CDC42BPB: variants seen among roughly 807,000 people sequenced by gnomAD.
CDC42BPB encodes the protein serine/threonine-protein kinase MRCK beta.
In CDC42BPB, 37 loss-of-function variants were observed where a neutral mutation model predicts 214.9. The ratio of observed to expected loss-of-function variants is 0.17; its 90% CI spans 0.13 to 0.23. The LOEUF (loss-of-function observed/expected upper bound fraction) is 0.23. Ranked by LOEUF, CDC42BPB falls within the 10% of genes least tolerant of loss-of-function variation. CDC42BPB has a pLI of 1.00. For synonymous variants in CDC42BPB, 931 were observed against 884.0 expected, an observed-to-expected ratio of 1.05 and a Z score of -0.94; for missense variants, 1,694 against 2,227.0, an observed-to-expected ratio of 0.76 and a Z score of 4.82.
chr14:102,987,409 CAA>C (rs1246033931), intron 5 of CDC42BPB, among the ~76,000 whole-genome samples: 1 of 152,178 alleles, frequency 6.6e-6, no homozygotes, highest in Non-Finnish European at 1.5e-5. Flanking sequence ...ACTTTAAAAA[CAA>C]AGACAGACAT....
chr14:103,019,483 AC>A (rs1886649930), intron 1 of CDC42BPB, among the ~76,000 whole-genome samples: 1 of 152,098 alleles, frequency 6.6e-6, no homozygotes, highest in Non-Finnish European at 1.5e-5. Flanking sequence ...CGTCTTCCTC[AC>A]CAGGCTCTAA....
intron 1 of CDC42BPB, among the ~76,000 whole-genome samples, chr14:103,050,444 G>A (rs1452794792): frequency 2.6e-5 from 4 of 152,148 alleles, no homozygotes; most frequent in Non-Finnish European, 4.4e-5. Flanking sequence ...TGGGCTGGAG[G>A]GCAGGTTAAC....
chr14:102,946,712 G>A (rs996983200), intron 27 of CDC42BPB, 28 bp from the exon 28 acceptor site: 5 of 1,609,992 alleles, frequency 3.1e-6, no homozygotes, highest in Admixed American at 1.7e-5. Flanking sequence ...GAAGAGAAGA[G>A]AGAAGTCATC....
intron 21 of CDC42BPB, among the ~76,000 whole-genome samples, chr14:102,958,016 T>C (rs1178670601): frequency 6.6e-6 from 1 of 152,202 alleles, no homozygotes; most frequent in Admixed American, 6.5e-5. Flanking sequence ...CTGGCCTGGG[T>C]AACACCAAAA....
intron 1 of CDC42BPB, among the ~76,000 whole-genome samples, chr14:103,031,002 G>A (rs1207067227): frequency 6.6e-6 from 1 of 151,924 alleles, no homozygotes; most frequent in African/African-American, 2.4e-5. Flanking sequence ...ACACACAAAA[G>A]TGTTCAGATT....
intron 29 of CDC42BPB, 82 bp downstream of exon 29, chr14:102,945,580 T>G: frequency 5.5e-6 from 7 of 1,269,820 alleles, no homozygotes. Context: ...TCTTAACCCT[T>G]AGGAGCTACT....
At chr14:102,960,852 G>A (rs1595468815) in intron 20 of CDC42BPB, among the ~76,000 whole-genome samples, 1 of 152,082 alleles carries the variant, frequency 6.6e-6, no homozygotes, top group African/African-American at 2.4e-5. Context: ...ATTTCAAATG[G>A]ATCAGTATTC....
At chr14:102,985,122 G>C (rs997601043) in intron 6 of CDC42BPB, among the ~76,000 whole-genome samples, 3 of 151,332 alleles carry the variant, frequency 2.0e-5, no homozygotes, top group African/African-American at 7.3e-5. Flanking sequence ...CCATGTTCTG[G>C]TTATACCGTG....
intron 1 of CDC42BPB, among the ~76,000 whole-genome samples, chr14:103,055,303 G>T (rs1318265479): frequency 6.6e-6 from 1 of 152,160 alleles, no homozygotes; most frequent in Non-Finnish European, 1.5e-5. Flanking sequence ...CGTGCCTGTA[G>T]TCCCAGCTAC....
intron 4 of CDC42BPB, among the ~76,000 whole-genome samples, chr14:103,000,289 C>T (rs530001792): frequency 6.6e-6 from 1 of 152,228 alleles, no homozygotes; most frequent in African/African-American, 2.4e-5. Flanking sequence ...CAGGGCTGAG[C>T]CCGTCACTTC....
intron 1 of CDC42BPB, among the ~76,000 whole-genome samples, chr14:103,046,336 A>G (rs1888280278): frequency 6.6e-6 from 1 of 152,092 alleles, no homozygotes; most frequent in Admixed American, 6.6e-5. Flanking sequence ...TCCATGCTCT[A>G]TTTCCTCATG....
intron 1 of CDC42BPB, among the ~76,000 whole-genome samples, chr14:103,021,845 G>C (rs1259047847): frequency 2.6e-5 from 4 of 152,208 alleles, no homozygotes; most frequent in African/African-American, 9.7e-5. Context: ...AGAAGCAGCG[G>C]TGAGATCCTG....
At chr14:102,989,667 G>T (rs1002559109) in intron 5 of CDC42BPB, among the ~76,000 whole-genome samples, 1 of 152,118 alleles carries the variant, frequency 6.6e-6, no homozygotes, top group African/African-American at 2.4e-5. Flanking sequence ...GAGGTTGGGA[G>T]TTTGAGACCA....
chr14:102,954,567 C>T (rs1892631872), intron 22 of CDC42BPB, 35 bp downstream of exon 22: 1 of 1,580,806 alleles, frequency 6.3e-7, no homozygotes, highest in Non-Finnish European at 8.7e-7. Context: ...GGGCAGACCC[C>T]AGGTGGGAGC....
rs771011015 is a variant in CDC42BPB, at chr14:102,959,590, C to T, written c.2901+41G>A. Reference sequence around the variant, plus strand: ...ATATATGACACTATTTCTAACTTATCATAAACTCATCTGTCACTTAAAAAA... The same window carrying T: ...ATATATGACACTATTTCTAACTTATTATAAACTCATCTGTCACTTAAAAAA... On this transcript the variant is annotated intron_variant, in intron 21 of 36. Coordinates refer to ENST00000361246, the MANE Select transcript of CDC42BPB (RefSeq NM_006035.4). The T allele has an allele frequency of 8.0e-6, 11 of 1,378,306 alleles. No homozygotes were observed. In the African/African-American group the frequency reaches 1.3e-4, roughly 16 times the overall value. 85.4% of individuals were successfully genotyped at this position (1,378,306 alleles called of 1,614,324 possible).
chr14:102,941,868 G>C (rs1220104800), intron 30 of CDC42BPB, among the ~76,000 whole-genome samples: 1 of 152,218 alleles, frequency 6.6e-6, no homozygotes, highest in African/African-American at 2.4e-5. Flanking sequence ...AAAGGGTGCA[G>C]AATGAGCAGT....
At chr14:102,973,128 A>G (rs774930850) in intron 12 of CDC42BPB, among the ~76,000 whole-genome samples, 1 of 152,214 alleles carries the variant, frequency 6.6e-6, no homozygotes, top group Non-Finnish European at 1.5e-5. Context: ...GCAAGCTGGC[A>G]GGGCAGCTCC....
intron 1 of CDC42BPB, among the ~76,000 whole-genome samples, chr14:103,044,591 G>C (rs550475636): frequency 6.6e-6 from 1 of 151,768 alleles, no homozygotes; most frequent in Non-Finnish European, 1.5e-5. Context: ...GGATGGTCTC[G>C]ATCTCCTGAC....
At chr14:103,039,917 C>T (rs184479834) in intron 1 of CDC42BPB, among the ~76,000 whole-genome samples, 2 of 152,136 alleles carry the variant, frequency 1.3e-5, no homozygotes, top group Admixed American at 1.3e-4. Context: ...ACTACTAAAA[C>T]TAATTAAAAA....
Sources: gnomAD v4.1 joint callset for allele counts (sites outside exome capture counted in the v4.1 genomes callset) on GRCh38, gnomAD v4.1.1 for gene constraint, MANE v1.5 for transcripts, NCBI Gene and HGNC (gene_info 2026-07-23, HGNC 2026-07-21) for gene names.